The following ASAH2 variants were observed in gnomAD, a reference collection of about 807,000 sequenced individuals.
ASAH2 encodes N-acylsphingosine amidohydrolase 2.
Under a neutral mutation model 82.9 loss-of-function variants are expected in ASAH2, and 58 were observed. That is an observed-to-expected ratio of 0.70 (90% confidence interval 0.57 to 0.87). The LOEUF (loss-of-function observed/expected upper bound fraction) is 0.87. Among genes scored for constraint, ASAH2 ranks in the 40% least tolerant of loss-of-function variants. ASAH2 has a pLI of 0.00. For missense variants in ASAH2, 779 were observed against 834.0 expected, an observed-to-expected ratio of 0.93 and a Z score of 0.81; for synonymous variants, 276 against 289.7, an observed-to-expected ratio of 0.95 and a Z score of 0.48.
intron 10 of ASAH2, 120 bp downstream of exon 10, chr10:50,212,852 C>G: frequency 1.9e-6 from 2 of 1,036,202 alleles, no homozygotes; most frequent in Non-Finnish European, 3.0e-6. Flanking sequence ...TTCTAGACTC[C>G]CCAGCACAAC....
At chr10:50,250,768 T>G (rs1386228006) in intron 1 of ASAH2, among the ~76,000 whole-genome samples, 1 of 152,040 alleles carries the variant, frequency 6.6e-6, no homozygotes, top group Admixed American at 6.6e-5. Context: ...AAATAATACT[T>G]CTTTTTTGTT....
At chr10:50,224,535 G>GT (rs1300832029) in intron 7 of ASAH2, among the ~76,000 whole-genome samples, 1 of 152,114 alleles carries the variant, frequency 6.6e-6, no homozygotes, top group African/African-American at 2.4e-5. Context: ...TGACAGAGAC[G>GT]TGAGTGCTCA....
At position 50,201,188 on chromosome 10, in the gene ASAH2, C is replaced by T. The variant is rs928885037; in HGVS notation, c.1761+1641G>A. 7.5e-3 allele frequency among the ~76,000 whole-genome samples: 1,139 copies of T among 152,134 alleles called. 14 individuals carry two copies. The highest frequency in any genetic ancestry group is 0.026 in the African/African-American group (1,089 of 41,538). ...ATCCCCTTTCCAGCTCCCCATTCAT[C>T]CCACGGAGAGCTACCTCTACCACTC... is the stretch of plus-strand genomic sequence containing the variant. On this transcript the variant is annotated intron_variant, in intron 16 of 20. Transcript: ENST00000682911.
At position 50,240,799 on chromosome 10, in the gene ASAH2, A is replaced by C. The variant is rs1004584671; in HGVS notation, c.510+2403T>G. ...ACTCAAGTGTCATTTCCACCATGAA[A>C]ATGTTTTCCTAATTTGCATTCCTGA... On this transcript the variant is annotated intron_variant, in intron 4 of 20. Coordinates refer to ENST00000682911, the MANE Select transcript of ASAH2 (RefSeq NM_019893.4). 9.1e-4 allele frequency among the ~76,000 whole-genome samples: 139 copies of C among 152,286 alleles called. 2 individuals carry two copies. The highest frequency in any genetic ancestry group is 3.1e-3 in the African/African-American group (129 of 41,566).
chr10:50,239,257 G>T (rs1180367605), intron 4 of ASAH2, among the ~76,000 whole-genome samples: 1 of 152,224 alleles, frequency 6.6e-6, no homozygotes, highest in Non-Finnish European at 1.5e-5. Context: ...TAATATTAAT[G>T]ACACTTATTT....
rs56970000 is a variant in ASAH2, at chr10:50,245,690, C to G, written c.128-236G>C. ...GCCTCTGTCAAATATCCTTCAACTCCTCATCACGAGCCATTCCTTGTCAAA... is the reference window on the plus strand; with the variant it reads ...GCCTCTGTCAAATATCCTTCAACTCGTCATCACGAGCCATTCCTTGTCAAA... On this transcript the variant is annotated intron_variant, in intron 2 of 20. Coordinates refer to ENST00000682911, the MANE Select transcript of ASAH2 (RefSeq NM_019893.4). 4.1e-3 allele frequency among the ~76,000 whole-genome samples: 624 copies of G among 152,266 alleles called. 3 individuals are homozygous for G. Among genetic ancestry groups the G allele is most frequent in the African/African-American group, 0.014 (575 of 41,524 alleles).
At chr10:50,219,588 A>G (rs922541208) in intron 7 of ASAH2, among the ~76,000 whole-genome samples, 1 of 152,260 alleles carries the variant, frequency 6.6e-6, no homozygotes, top group South Asian at 2.1e-4. Flanking sequence ...GAATTTAAAA[A>G]AAAAATTGTT....
rs909958387 is a variant in ASAH2, at chr10:50,184,969, T to C, written c.*2346A>G. 6.6e-6 allele frequency: 1 copy of C among 151,668 alleles called. No homozygotes were observed. Among genetic ancestry groups the C allele is most frequent in the Non-Finnish European group, 1.5e-5 (1 of 67,744 alleles). The allele number at this position is 151,668 out of a possible 1,614,324, so 9.4% of individuals were successfully genotyped here. Reference sequence around the variant, plus strand: ...ACCTGGAAAAGAGATTATTCAGTGCTTTTCAAAGAAGTCAAAAAATCCTTA... The same window carrying C: ...ACCTGGAAAAGAGATTATTCAGTGCCTTTCAAAGAAGTCAAAAAATCCTTA... On this transcript the variant is annotated 3_prime_UTR_variant, in exon 21 of 21. Transcript: ENST00000682911.
At chr10:50,227,983 C>T (rs1845934036) in intron 7 of ASAH2, among the ~76,000 whole-genome samples, 1 of 152,018 alleles carries the variant, frequency 6.6e-6, no homozygotes. Context: ...TCAAGCTTCA[C>T]AACATGGAGC....
chr10:50,234,309 G>A, intron 6 of ASAH2, 116 bp downstream of exon 6: 3 of 1,406,832 alleles, frequency 2.1e-6, no homozygotes, highest in South Asian at 1.2e-5. Context: ...AGATATCATA[G>A]CTGTAATACT....
chr10:50,227,566 T>A (rs1257406820), intron 7 of ASAH2, among the ~76,000 whole-genome samples: 1 of 152,164 alleles, frequency 6.6e-6, no homozygotes, highest in African/African-American at 2.4e-5. Context: ...TTTTCCTTCC[T>A]TTCTACTTTC....
chr10:50,205,023 G>T, intron 13 of ASAH2, 68 bp from the exon 14 acceptor site: 1 of 1,094,846 alleles, frequency 9.1e-7, no homozygotes, highest in Non-Finnish European at 1.3e-6. Flanking sequence ...GACATATAGT[G>T]GTCCCAGAAT....
intron 8 of ASAH2, among the ~76,000 whole-genome samples, chr10:50,215,088 A>G (rs966926179): frequency 5.3e-5 from 8 of 152,184 alleles, no homozygotes; most frequent in African/African-American, 1.7e-4. Context: ...CCATTTGCCA[A>G]TGTTGGCTTT....
At position 50,211,083 on chromosome 10, in the gene ASAH2, G is replaced by A. The variant is rs937239776; in HGVS notation, c.1279C>T (p.His427Tyr). The stretch of plus-strand genomic sequence containing the variant: ...ACATCTGTCATATCCACCCACTGGT[G>A]TGCTGAAGCCAGTGGTCCTGTTACC... ...QEVTGPLASAHQWVDMTDVTV... is the reference protein window; with the variant it reads ...QEVTGPLASAYQWVDMTDVTV... Residue 427 changes from histidine (H) to tyrosine (Y), a missense_variant, in exon 11 of 21, where the codon CAC becomes TAC. Coordinates refer to ENST00000682911, the MANE Select transcript of ASAH2 (RefSeq NM_019893.4). 28 of 1,613,742 alleles carry A rather than the reference G, an allele frequency of 1.7e-5. No homozygotes were observed. Among genetic ancestry groups the A allele is most frequent in the Non-Finnish European group, 2.1e-5 (25 of 1,179,728 alleles).
rs139973487 is a variant in ASAH2 at position 50,245,345 on chromosome 10, G to A, written c.237C>T (p.Ser79=). 1.9e-6 allele frequency: 3 copies of A among 1,613,874 alleles called. No individual in the cohort carries two copies. The African/African-American group carries it at 4.0e-5, about 22-fold the overall frequency. The change falls in exon 3 of 21, where the codon TCC becomes TCT. Residue 79 remains serine, a synonymous_variant. Coordinates refer to ENST00000682911, the MANE Select transcript of ASAH2 (RefSeq NM_019893.4). ...ATQHSTATQS[S]TATQTSPVPL... ...GCACTGGAGAAGTTTGAGTGGCTGT[G>A]GAGCTCTGGGTGGCTGTGGAATGCT...
At chr10:50,247,500 A>G (rs967013250) in intron 2 of ASAH2, among the ~76,000 whole-genome samples, 5 of 151,946 alleles carry the variant, frequency 3.3e-5, no homozygotes, top group Admixed American at 2.0e-4. Flanking sequence ...TTTCACTTCT[A>G]TCAGTCTATG....
At chr10:50,248,247 G>A (rs1846523667) in intron 2 of ASAH2, among the ~76,000 whole-genome samples, 1 of 152,180 alleles carries the variant, frequency 6.6e-6, no homozygotes, top group African/African-American at 2.4e-5. Flanking sequence ...AAAAACTAAT[G>A]GCAAACAAGT....
chr10:50,226,561 T>C (rs1177431018), intron 7 of ASAH2, among the ~76,000 whole-genome samples: 1 of 152,136 alleles, frequency 6.6e-6, no homozygotes. Context: ...GATGTGTCAA[T>C]GTAGGTTCAT....
intron 17 of ASAH2, among the ~76,000 whole-genome samples, chr10:50,197,515 T>C (rs1209373196): frequency 6.6e-6 from 1 of 151,992 alleles, no homozygotes; most frequent in Admixed American, 6.6e-5. Flanking sequence ...TATATTAGGT[T>C]GGTACAAAAG....
Sources: allele counts gnomAD v4.1 joint callset (sites outside exome capture counted in the v4.1 genomes callset), GRCh38; gene constraint gnomAD v4.1.1; transcripts MANE v1.5; gene names NCBI Gene and HGNC (gene_info 2026-07-23, HGNC 2026-07-21).